The following FANCC variants were observed in gnomAD, a reference collection of about 807,000 sequenced individuals.
FANCC encodes FA complementation group C.
A neutral mutation model predicts 71.3 loss-of-function variants in FANCC; 55 were observed. The observed-to-expected ratio is 0.77, with a 90% CI of 0.62 to 0.97. FANCC has a LOEUF of 0.97. Among genes scored for constraint, FANCC ranks in the 50% least tolerant of loss-of-function variants. The probability of loss-of-function intolerance (pLI) is 0.00; values close to 1 mark genes in which losing one functional copy is unlikely to be tolerated. For synonymous variants in FANCC, 275 were observed against 244.9 expected (o/e 1.12, Z -1.15); for missense variants, 678 against 670.9 (o/e 1.01, Z -0.12).
At chr9:95,170,396 CAA>C (rs1263047970) in intron 6 of FANCC, among the ~76,000 whole-genome samples, 2 of 108,746 alleles carry the variant, frequency 1.8e-5, no homozygotes, top group African/African-American at 3.8e-5. Flanking sequence ...AATAGCTTTA[CAA>C]AAAAAAAAAA....
At chr9:95,166,361 C>A (rs568420144) in intron 6 of FANCC, among the ~76,000 whole-genome samples, 3 of 152,080 alleles carry the variant, frequency 2.0e-5, no homozygotes, top group East Asian at 1.9e-4. Flanking sequence ...TGCTTTCCTT[C>A]TCATTTTCCA....
chr9:95,101,868 G>A lies in FANCC; in HGVS notation c.1534-18C>T, dbSNP rs1289718209. On this transcript the variant is annotated intron_variant, in intron 14 of 14. Transcript: ENST00000289081. ...TGAGCCATCTGCAATCAGGACAGAAGAGAAGGCAAATTAAAACACTTTCCA... is the reference window on the plus strand; with the variant it reads ...TGAGCCATCTGCAATCAGGACAGAAAAGAAGGCAAATTAAAACACTTTCCA... 4 of 1,613,560 alleles carry A rather than the reference G, an allele frequency of 2.5e-6. No homozygotes were observed. Among genetic ancestry groups the A allele is most frequent in the Admixed American group, 1.7e-5 (1 of 60,006 alleles).
At chr9:95,147,918 A>G (rs1253180986) in intron 7 of FANCC, among the ~76,000 whole-genome samples, 1 of 152,222 alleles carries the variant, frequency 6.6e-6, no homozygotes, top group Admixed American at 6.5e-5. Flanking sequence ...CTTTTATATG[A>G]AAGTTGGCCA....
chr9:95,119,494 T>C (rs1201987916), intron 10 of FANCC, among the ~76,000 whole-genome samples: 1 of 151,834 alleles, frequency 6.6e-6, no homozygotes, highest in Non-Finnish European at 1.5e-5. Flanking sequence ...GCCTCCCAAA[T>C]AGCTGGGACT....
chr9:95,279,773 C>T (rs966381683), intron 1 of FANCC, among the ~76,000 whole-genome samples: 6 of 151,980 alleles, frequency 3.9e-5, no homozygotes, highest in Admixed American at 2.0e-4. Context: ...CATAATGAAA[C>T]GCTGTCTTTA....
intron 1 of FANCC, among the ~76,000 whole-genome samples, chr9:95,271,524 G>T (rs1019655893): frequency 6.6e-6 from 1 of 152,094 alleles, no homozygotes; most frequent in South Asian, 2.1e-4. Context: ...TGAGAGGAAG[G>T]TGTCCCCAGA....
intron 1 of FANCC, among the ~76,000 whole-genome samples, chr9:95,251,530 G>A (rs897357478): frequency 3.3e-5 from 5 of 151,886 alleles, no homozygotes; most frequent in African/African-American, 1.2e-4. Flanking sequence ...TGGCTAGGCG[G>A]GTCTCGACCT....
chr9:95,106,127 G>GTTTCT (rs1306501377), intron 14 of FANCC, among the ~76,000 whole-genome samples: 1 of 152,150 alleles, frequency 6.6e-6, no homozygotes, highest in East Asian at 1.9e-4. Flanking sequence ...CCTCACGGGC[G>GTTTCT]TTTCTTTTCT....
chr9:95,312,868 A>T (rs749964979), intron 1 of FANCC, among the ~76,000 whole-genome samples: 44 of 152,336 alleles, frequency 2.9e-4, no homozygotes, highest in Non-Finnish European at 4.7e-4. Flanking sequence ...TGAATACGAG[A>T]GATGTCTCTG....
chr9:95,184,718 G>T (rs1826600650), intron 4 of FANCC, among the ~76,000 whole-genome samples: 1 of 152,174 alleles, frequency 6.6e-6, no homozygotes, highest in Non-Finnish European at 1.5e-5. Flanking sequence ...AAGGGGCCAA[G>T]AACAGCACAT....
Position 95,135,333 on chromosome 9 carries a change from A to T in FANCC, c.843+13T>A, listed in dbSNP as rs1272802632. 1.9e-6 allele frequency: 3 copies of T among 1,613,340 alleles called. No homozygotes were observed. The highest frequency in any genetic ancestry group is 2.5e-6 in the Non-Finnish European group (3 of 1,179,674). On this transcript the variant is annotated intron_variant, in intron 8 of 14. Coordinates refer to ENST00000289081, the MANE Select transcript of FANCC (RefSeq NM_000136.3). ...TTCAAGGATTTTTCCCTTCATCAAA[A>T]CCCAGTACGTACCAGCGATGAATCT...
At chr9:95,227,485 T>C (rs576570165) in intron 4 of FANCC, among the ~76,000 whole-genome samples, 11 of 152,258 alleles carry the variant, frequency 7.2e-5, no homozygotes, top group African/African-American at 2.2e-4. Flanking sequence ...TCTCAACTAG[T>C]TCCTAAGACA....
chr9:95,291,226 G>A (rs1833977381), intron 1 of FANCC, among the ~76,000 whole-genome samples: 1 of 152,064 alleles, frequency 6.6e-6, no homozygotes, highest in South Asian at 2.1e-4. Context: ...CCTACCCAGA[G>A]CAATTAGGTA....
chr9:95,217,118 G>C (rs953857739), intron 4 of FANCC, among the ~76,000 whole-genome samples: 4 of 152,082 alleles, frequency 2.6e-5, no homozygotes, highest in African/African-American at 9.7e-5. Context: ...TATATAATCA[G>C]ACACAACAAA....
At chr9:95,153,778 T>C (rs540555680) in intron 6 of FANCC, among the ~76,000 whole-genome samples, 2 of 152,370 alleles carry the variant, frequency 1.3e-5, no homozygotes, top group Non-Finnish European at 2.9e-5. Context: ...TTTATTTCTT[T>C]GATGTAACTA....
rs540569152 is a variant in FANCC, at chr9:95,103,690, A to G, written c.1534-1840T>C. Reference sequence around the variant, plus strand: ...CCTCATGGATGGCGTTCTGGGGAAAATCGGAGGGCCGAGGTCAGAGAAGAG... The same window carrying G: ...CCTCATGGATGGCGTTCTGGGGAAAGTCGGAGGGCCGAGGTCAGAGAAGAG... On this transcript the variant is annotated intron_variant, in intron 14 of 14. Transcript: ENST00000289081. Among the ~76,000 whole-genome samples, 30 of 152,286 alleles carry G rather than the reference A, an allele frequency of 2.0e-4. No individual in the cohort carries two copies. In the South Asian group the frequency reaches 6.0e-3, roughly 31 times the overall value.
intron 8 of FANCC, among the ~76,000 whole-genome samples, chr9:95,128,872 C>T (rs1588114481): frequency 6.6e-6 from 1 of 152,016 alleles, no homozygotes; most frequent in East Asian, 1.9e-4. Flanking sequence ...CCTGCAGAAA[C>T]AGCAACGGCA....
intron 6 of FANCC, among the ~76,000 whole-genome samples, chr9:95,152,761 T>C (rs1033610119): frequency 1.3e-5 from 2 of 152,128 alleles, no homozygotes; most frequent in African/African-American, 4.8e-5. Context: ...ACCTAATGTG[T>C]AGTTTTTTTC....
chr9:95,253,636 C>T (rs1032363063), intron 1 of FANCC, among the ~76,000 whole-genome samples: 5 of 152,080 alleles, frequency 3.3e-5, no homozygotes, highest in African/African-American at 1.2e-4. Flanking sequence ...TCAGTAATTA[C>T]TGTTTCAGAT....
Sources: gnomAD v4.1 joint callset for allele counts (sites outside exome capture counted in the v4.1 genomes callset) on GRCh38, gnomAD v4.1.1 for gene constraint, MANE v1.5 for transcripts, NCBI Gene and HGNC (gene_info 2026-07-23, HGNC 2026-07-21) for gene names.